The following KCNQ5 variants were observed in gnomAD, a reference collection of about 807,000 sequenced individuals.
KCNQ5 encodes the protein potassium voltage-gated channel subfamily KQT member 5.
Under a neutral mutation model 98.2 loss-of-function variants are expected in KCNQ5, and 30 were observed. The observed-to-expected ratio is 0.31, with a 90% CI of 0.23 to 0.41. The LOEUF (loss-of-function observed/expected upper bound fraction) is 0.41, where lower values mean the gene tolerates loss of function less well. Among genes scored for constraint, KCNQ5 ranks in the 10% least tolerant of loss-of-function variants. KCNQ5 has a pLI of 1.00. For synonymous variants in KCNQ5, 458 were observed against 449.4 expected, an observed-to-expected ratio of 1.02 and a Z score of -0.24; for missense variants, 835 against 1,182.5, an observed-to-expected ratio of 0.71 and a Z score of 4.31.
At chr6:72,727,243 T>C (rs1463499472) in intron 1 of KCNQ5, among the ~76,000 whole-genome samples, 2 of 152,260 alleles carry the variant, frequency 1.3e-5, no homozygotes, top group Non-Finnish European at 2.9e-5. Flanking sequence ...ACTTCTCGCA[T>C]AGTCACTTCT....
intron 1 of KCNQ5, among the ~76,000 whole-genome samples, chr6:72,869,780 T>G (rs1778131797): frequency 6.6e-6 from 1 of 152,170 alleles, no homozygotes; most frequent in Non-Finnish European, 1.5e-5. Flanking sequence ...TTCAGGATAT[T>G]CCCCACAGGG....
chr6:72,877,512 G>T (rs1778461096), intron 1 of KCNQ5, among the ~76,000 whole-genome samples: 1 of 152,118 alleles, frequency 6.6e-6, no homozygotes, highest in African/African-American at 2.4e-5. Context: ...TGTAAATAGT[G>T]CTGCAATAAA....
At chr6:73,187,298 A>T (rs1160939341) in intron 11 of KCNQ5, among the ~76,000 whole-genome samples, 1 of 152,046 alleles carries the variant, frequency 6.6e-6, no homozygotes, top group Non-Finnish European at 1.5e-5. Context: ...TGACCTCGTG[A>T]TCCACCCGCC....
intron 1 of KCNQ5, among the ~76,000 whole-genome samples, chr6:72,640,208 A>G (rs943826905): frequency 1.3e-5 from 2 of 152,084 alleles, no homozygotes; most frequent in East Asian, 1.9e-4. Context: ...ATTTTCTAGA[A>G]GTCACACACA....
At chr6:73,146,874 T>C (rs73753269) in intron 10 of KCNQ5, among the ~76,000 whole-genome samples, 13 of 152,264 alleles carry the variant, frequency 8.5e-5, no homozygotes, top group African/African-American at 2.4e-4. Context: ...TGATATACTA[T>C]TGAAACTATA....
intron 3 of KCNQ5, among the ~76,000 whole-genome samples, chr6:73,071,918 G>A (rs1773316881): frequency 2.0e-5 from 3 of 152,004 alleles, no homozygotes; most frequent in African/African-American, 4.8e-5. Context: ...CATTTGTATT[G>A]TTTTGATATT....
At chr6:73,118,520 T>C (rs1180219526) in intron 7 of KCNQ5, among the ~76,000 whole-genome samples, 1 of 152,062 alleles carries the variant, frequency 6.6e-6, no homozygotes, top group Non-Finnish European at 1.5e-5. Flanking sequence ...CCTAGGAGTG[T>C]GTAGTTGTAT....
At chr6:73,025,178 A>G (rs1238851606) in intron 2 of KCNQ5, among the ~76,000 whole-genome samples, 1 of 152,220 alleles carries the variant, frequency 6.6e-6, no homozygotes, top group Non-Finnish European at 1.5e-5. Context: ...GTCATATTCT[A>G]AAGACATCCG....
At chr6:73,031,174 A>G (rs1283012794) in intron 2 of KCNQ5, among the ~76,000 whole-genome samples, 6 of 152,254 alleles carry the variant, frequency 3.9e-5, no homozygotes, top group Admixed American at 2.6e-4. Flanking sequence ...CTTTCAGGCT[A>G]GTAAAATGTA....
chr6:72,660,701 A>G (rs9360584), intron 1 of KCNQ5, among the ~76,000 whole-genome samples: 37,783 of 152,160 alleles, frequency 0.25, 6,275 homozygotes, highest in East Asian at 0.51. Context: ...ACTTTTAATC[A>G]TAATTTGTCC....
intron 5 of KCNQ5, among the ~76,000 whole-genome samples, chr6:73,078,831 A>G (rs1326233398): frequency 6.6e-6 from 1 of 152,252 alleles, no homozygotes; most frequent in African/African-American, 2.4e-5. Flanking sequence ...TACTCTGAAC[A>G]ACGCATAGTT....
intron 1 of KCNQ5, among the ~76,000 whole-genome samples, chr6:72,763,058 A>G (rs183344082): frequency 2.0e-5 from 3 of 152,156 alleles, no homozygotes; most frequent in East Asian, 3.9e-4. Flanking sequence ...CATAAATGGT[A>G]GATTTTAGTT....
At chr6:73,018,120 G>A (rs1453218571) in intron 2 of KCNQ5, among the ~76,000 whole-genome samples, 4 of 152,246 alleles carry the variant, frequency 2.6e-5, no homozygotes, top group South Asian at 2.1e-4. Flanking sequence ...GGGCCGGGGG[G>A]CATTCCTGCC....
rs146528997 is a variant in KCNQ5, at chr6:73,104,607, C to T, written c.919-650C>T. ...TCATTTCTGCTTCTCAAAATGTTAC[C>T]CCTCTTTCAAAGCCCAGGTATGATG... On this transcript the variant is annotated intron_variant, in intron 5 of 13. Coordinates refer to ENST00000370398, the MANE Select transcript of KCNQ5 (RefSeq NM_019842.4). 2.2e-3 allele frequency among the ~76,000 whole-genome samples: 338 copies of T among 152,214 alleles called. 2 individuals carry two copies. The highest frequency in any genetic ancestry group is 7.9e-3 in the African/African-American group (329 of 41,530).
chr6:72,861,436 G>A (rs759330503), intron 1 of KCNQ5, among the ~76,000 whole-genome samples: 94 of 152,172 alleles, frequency 6.2e-4, no homozygotes, highest in Non-Finnish European at 5.4e-4. Flanking sequence ...TCAGAATCCC[G>A]GGAGCACATA....
At chr6:72,734,227 A>T (rs1365316585) in intron 1 of KCNQ5, among the ~76,000 whole-genome samples, 2 of 152,230 alleles carry the variant, frequency 1.3e-5, no homozygotes, top group African/African-American at 4.8e-5. Context: ...AAGACTGAAA[A>T]ATGTTATTTA....
intron 1 of KCNQ5, among the ~76,000 whole-genome samples, chr6:72,731,676 G>C (rs1225464772): frequency 3.3e-5 from 5 of 152,160 alleles, no homozygotes; most frequent in African/African-American, 4.8e-5. Flanking sequence ...AGTGAAGCCG[G>C]TTCTCTTCTA....
chr6:73,070,629 A>T (rs1249025171), intron 3 of KCNQ5, among the ~76,000 whole-genome samples: 19 of 152,338 alleles, frequency 1.2e-4, no homozygotes, highest in Admixed American at 2.6e-4. Context: ...TCTTCAGCAC[A>T]TGGTTTCTAA....
chr6:73,077,976 T>A, intron 5 of KCNQ5, 89 bp downstream of exon 5: 1 of 1,042,394 alleles, frequency 9.6e-7, no homozygotes, highest in South Asian at 1.9e-5. Context: ...ATGGTTTCAA[T>A]AAAAATATTA....
Sources: allele counts gnomAD v4.1 joint callset (sites outside exome capture counted in the v4.1 genomes callset), GRCh38; gene constraint gnomAD v4.1.1; transcripts MANE v1.5; gene names NCBI Gene and HGNC (gene_info 2026-07-23, HGNC 2026-07-21).